Variants in EPHA6 observed in about 807,000 individuals in gnomAD.
EPHA6 encodes EPH receptor A6, also known as ephrin type-A receptor 6.
A neutral mutation model predicts 112.0 loss-of-function variants in EPHA6; 50 were observed. That is an observed-to-expected ratio of 0.45 (90% CI 0.36 to 0.56). The LOEUF (loss-of-function observed/expected upper bound fraction) is 0.56. Among genes scored for constraint, EPHA6 ranks in the 20% least tolerant of loss-of-function variants. EPHA6 has a pLI of 0.00. For synonymous variants in EPHA6, 529 were observed against 490.7 expected (o/e 1.08, Z -1.03); for missense variants, 1,280 against 1,417.4 (o/e 0.90, Z 1.56).
chr3:96,816,017 ATATGT>A (rs2032750730), intron 1 of EPHA6, among the ~76,000 whole-genome samples: 1 of 152,130 alleles, frequency 6.6e-6, no homozygotes, highest in Admixed American at 6.5e-5. Context: ...CACATAAGGC[ATATGT>A]TTCAGAGTCT....
intron 14 of EPHA6, chr3:97,648,370 C>T (rs764565044): frequency 3.2e-6 from 5 of 1,571,170 alleles, no homozygotes; most frequent in South Asian, 2.3e-5. Flanking sequence ...TCTAAGAAGA[C>T]ATAGCCTACA....
At chr3:97,201,627 C>A (rs180858283) in intron 3 of EPHA6, among the ~76,000 whole-genome samples, 2 of 152,130 alleles carry the variant, frequency 1.3e-5, no homozygotes, top group Admixed American at 1.3e-4. Flanking sequence ...ATATTAAGTC[C>A]TTTTATCCAT....
intron 5 of EPHA6, among the ~76,000 whole-genome samples, chr3:97,283,193 T>A (rs2080345607): frequency 6.6e-6 from 1 of 152,000 alleles, no homozygotes; most frequent in South Asian, 2.1e-4. Flanking sequence ...TGTCAACAAC[T>A]TTTTTTTAAA....
At chr3:97,079,898 AG>A (rs1234292573) in intron 3 of EPHA6, among the ~76,000 whole-genome samples, 62 of 142,850 alleles carry the variant, frequency 4.3e-4, no homozygotes, top group African/African-American at 1.6e-3. Flanking sequence ...CATGATTGTT[AG>A]GTTTTTTTTT....
chr3:97,142,901 A>G (rs1262537140), intron 3 of EPHA6, among the ~76,000 whole-genome samples: 1 of 151,844 alleles, frequency 6.6e-6, no homozygotes, highest in Non-Finnish European at 1.5e-5. Flanking sequence ...AGCTGAAATA[A>G]TTTCCTCTGA....
At chr3:97,227,596 G>A (rs1429018829) in intron 4 of EPHA6, among the ~76,000 whole-genome samples, 1 of 152,198 alleles carries the variant, frequency 6.6e-6, no homozygotes, top group Non-Finnish European at 1.5e-5. Flanking sequence ...CTCTGACCAA[G>A]ACATGCACTT....
intron 3 of EPHA6, among the ~76,000 whole-genome samples, chr3:97,017,609 A>G (rs2044307979): frequency 6.6e-6 from 1 of 152,138 alleles, no homozygotes; most frequent in African/African-American, 2.4e-5. Context: ...GGGGCAAGTG[A>G]CCTACACAGA....
At chr3:96,994,774 CCT>C in intron 3 of EPHA6, among the ~76,000 whole-genome samples, 1 of 70,514 alleles carries the variant, frequency 1.4e-5, no homozygotes, top group Non-Finnish European at 2.9e-5. Context: ...TATATATATA[CCT>C]ACAGGCTGAG....
chr3:97,484,996 A>T (rs1010123908), intron 10 of EPHA6, among the ~76,000 whole-genome samples: 3 of 152,272 alleles, frequency 2.0e-5, no homozygotes, highest in Non-Finnish European at 4.4e-5. Flanking sequence ...GGAATTGCCG[A>T]CAGCTGCCAT....
chr3:97,559,933 G>A (rs550653072), intron 11 of EPHA6, among the ~76,000 whole-genome samples: 2 of 151,720 alleles, frequency 1.3e-5, no homozygotes, highest in South Asian at 2.1e-4. Flanking sequence ...AATTTATTCA[G>A]AAAATGTAAG....
chr3:96,832,748 C>G (rs989931095), intron 1 of EPHA6, among the ~76,000 whole-genome samples: 5 of 151,890 alleles, frequency 3.3e-5, no homozygotes, highest in Non-Finnish European at 7.4e-5. Context: ...TTTTAAATAA[C>G]CAGTAACTGA....
chr3:97,711,015 G>A (rs1015340227), intron 14 of EPHA6, among the ~76,000 whole-genome samples: 3 of 152,174 alleles, frequency 2.0e-5, no homozygotes, highest in African/African-American at 4.8e-5. Flanking sequence ...ATCAGTCAGC[G>A]ATATGGTTTG....
chr3:96,828,167 A>G (rs2033788912), intron 1 of EPHA6, among the ~76,000 whole-genome samples: 1 of 152,016 alleles, frequency 6.6e-6, no homozygotes, highest in Non-Finnish European at 1.5e-5. Flanking sequence ...AGAAAAAAAG[A>G]TCTCCTAAAC....
intron 2 of EPHA6, among the ~76,000 whole-genome samples, chr3:96,932,964 T>A (rs2107661591): frequency 6.6e-6 from 1 of 152,296 alleles, no homozygotes; most frequent in Admixed American, 6.5e-5. Context: ...AAACTTGGTA[T>A]GGGAAAGATA....
chr3:97,144,436 C>CAATT (rs1355188276), intron 3 of EPHA6, among the ~76,000 whole-genome samples: 3 of 148,264 alleles, frequency 2.0e-5, no homozygotes, highest in Non-Finnish European at 4.5e-5. Context: ...TCCTCAGAGG[C>CAATT]AATTAGTTTC....
chr3:97,310,029 A>G (rs1408951948), intron 5 of EPHA6, among the ~76,000 whole-genome samples: 1 of 151,648 alleles, frequency 6.6e-6, no homozygotes, highest in African/African-American at 2.4e-5. Context: ...TATCCTAAAG[A>G]TTCATTAATA....
intron 5 of EPHA6, among the ~76,000 whole-genome samples, chr3:97,256,651 G>T (rs1473206645): frequency 6.6e-6 from 1 of 151,664 alleles, no homozygotes; most frequent in African/African-American, 2.4e-5. Flanking sequence ...TTTTTTCATG[G>T]TTACATTTCT....
At chr3:97,140,176 T>A (rs1022609346) in intron 3 of EPHA6, among the ~76,000 whole-genome samples, 11 of 151,816 alleles carry the variant, frequency 7.2e-5, no homozygotes, top group South Asian at 2.1e-4. Flanking sequence ...TTAAAAAAAA[T>A]AAACATGACC....
chr3:97,020,993 C>A (rs187322966), intron 3 of EPHA6, among the ~76,000 whole-genome samples: 108 of 152,124 alleles, frequency 7.1e-4, no homozygotes, highest in African/African-American at 2.5e-3. Flanking sequence ...TAATGAATTA[C>A]AACTTATAAA....
Sources: allele counts gnomAD v4.1 joint callset (sites outside exome capture counted in the v4.1 genomes callset), GRCh38; gene constraint gnomAD v4.1.1; transcripts MANE v1.5; gene names NCBI Gene and HGNC (gene_info 2026-07-23, HGNC 2026-07-21).